Variants in SLC24A3 observed in about 807,000 individuals in gnomAD.
SLC24A3 encodes the protein solute carrier family 24 member 3.
In SLC24A3, 28 loss-of-function variants were observed where a neutral mutation model predicts 75.8. That is an observed-to-expected ratio of 0.37 (90% CI 0.27 to 0.51). The LOEUF is 0.51. Ranked by LOEUF, SLC24A3 falls within the 20% of genes least tolerant of loss-of-function variation. The pLI, the probability that SLC24A3 is intolerant of heterozygous loss-of-function variation, is 0.94. For missense variants in SLC24A3, 663 were observed against 847.8 expected (o/e 0.78, Z 2.71); for synonymous variants, 372 against 334.1 (o/e 1.11, Z -1.24).
At chr20:19,247,476 C>T (rs914366114) in intron 1 of SLC24A3, among the ~76,000 whole-genome samples, 1 of 152,052 alleles carries the variant, frequency 6.6e-6, no homozygotes, top group African/African-American at 2.4e-5. Context: ...AGGGTGTAAT[C>T]CTGAGGTAGT....
intron 2 of SLC24A3, among the ~76,000 whole-genome samples, chr20:19,514,984 G>A (rs901956987): frequency 1.3e-5 from 2 of 152,210 alleles, no homozygotes; most frequent in African/African-American, 4.8e-5. Flanking sequence ...AAATCTGTCT[G>A]AGCCACAGAC....
At chr20:19,445,085 A>G (rs1171277655) in intron 2 of SLC24A3, among the ~76,000 whole-genome samples, 1 of 152,214 alleles carries the variant, frequency 6.6e-6, no homozygotes, top group Non-Finnish European at 1.5e-5. Context: ...CACCAACCAG[A>G]ACTGACCTTT....
At chr20:19,503,266 A>G (rs1009787798) in intron 2 of SLC24A3, among the ~76,000 whole-genome samples, 4 of 152,194 alleles carry the variant, frequency 2.6e-5, no homozygotes, top group African/African-American at 9.7e-5. Context: ...ATTCAGAGCT[A>G]TAGTGTGCCA....
At chr20:19,232,139 T>C (rs528379354) in intron 1 of SLC24A3, among the ~76,000 whole-genome samples, 2 of 94,106 alleles carry the variant, frequency 2.1e-5, no homozygotes, top group South Asian at 6.5e-4. Flanking sequence ...ATAGAAGAAA[T>C]TGAGTTAAAA....
chr20:19,578,664 G>A (rs1263710014), intron 3 of SLC24A3, among the ~76,000 whole-genome samples: 3 of 152,000 alleles, frequency 2.0e-5, no homozygotes, highest in Non-Finnish European at 2.9e-5. Context: ...TTCTCAAAAG[G>A]AAAAGATACT....
intron 1 of SLC24A3, among the ~76,000 whole-genome samples, chr20:19,278,814 A>G (rs769939617): frequency 1.3e-5 from 2 of 152,234 alleles, no homozygotes; most frequent in Non-Finnish European, 2.9e-5. Context: ...TGATATGCAT[A>G]AACTGTAATT....
At chr20:19,278,489 A>G (rs1048291572) in intron 1 of SLC24A3, among the ~76,000 whole-genome samples, 3 of 152,204 alleles carry the variant, frequency 2.0e-5, no homozygotes, top group Admixed American at 2.0e-4. Context: ...ACACTTTCAG[A>G]TTATTTGTGA....
At chr20:19,385,648 T>G (rs570568074) in intron 2 of SLC24A3, among the ~76,000 whole-genome samples, 1 of 152,156 alleles carries the variant, frequency 6.6e-6, no homozygotes, top group East Asian at 1.9e-4. Context: ...ATTGGCTTTT[T>G]TTTTTTTTTC....
Position 19,212,748 on chromosome 20 carries a change from T to G in SLC24A3, c.-95T>G, listed in dbSNP as rs1865185945. On this transcript the variant is annotated 5_prime_UTR_variant, in exon 1 of 17. Transcript: ENST00000328041. ...GAGCGCAGCGAGGACGCGCGGCTGC[T>G]GCGCGCAGGGCTGCCTCCTGCCGCT... 9.6e-6 allele frequency: 9 copies of G among 939,642 alleles called. No homozygotes were observed. Among genetic ancestry groups the G allele is most frequent in the African/African-American group, 1.8e-5 (1 of 55,640 alleles). The allele number at this position is 939,642 out of a possible 1,614,324, so 58.2% of individuals were successfully genotyped here.
At chr20:19,594,778 G>T (rs141317800) in intron 6 of SLC24A3, among the ~76,000 whole-genome samples, 1 of 152,072 alleles carries the variant, frequency 6.6e-6, no homozygotes, top group African/African-American at 2.4e-5. Flanking sequence ...ATAGGGAGAA[G>T]ATATATGGAG....
intron 2 of SLC24A3, among the ~76,000 whole-genome samples, chr20:19,426,333 T>C (rs1422987481): frequency 1.3e-5 from 2 of 152,222 alleles, no homozygotes; most frequent in African/African-American, 4.8e-5. Flanking sequence ...CTTGGAGCTA[T>C]TTTCTTTCTT....
intron 2 of SLC24A3, among the ~76,000 whole-genome samples, chr20:19,406,495 C>A (rs1436797179): frequency 6.6e-6 from 1 of 152,082 alleles, no homozygotes; most frequent in East Asian, 1.9e-4. Flanking sequence ...CAATTCAATT[C>A]AAAAATGTTT....
intron 2 of SLC24A3, among the ~76,000 whole-genome samples, chr20:19,281,570 C>G (rs1983665409): frequency 6.6e-6 from 1 of 152,076 alleles, no homozygotes; most frequent in African/African-American, 2.4e-5. Context: ...GATTTGATAT[C>G]TATTATGCCA....
intron 6 of SLC24A3, among the ~76,000 whole-genome samples, chr20:19,635,651 T>C (rs541211946): frequency 7.9e-5 from 12 of 152,302 alleles, no homozygotes; most frequent in African/African-American, 2.9e-4. Flanking sequence ...GCTGGAATCA[T>C]CTGGAAGATT....
intron 3 of SLC24A3, among the ~76,000 whole-genome samples, chr20:19,574,694 T>G (rs1413091801): frequency 6.6e-6 from 1 of 152,224 alleles, no homozygotes; most frequent in Non-Finnish European, 1.5e-5. Context: ...GGCTGCGCTA[T>G]GTCTAAGCTC....
rs182545508 is a variant in SLC24A3, at chr20:19,473,987, G to T, written c.272-41501G>T. Among the ~76,000 whole-genome samples the T allele has an allele frequency of 1.8e-3, 270 of 152,298 alleles. 1 individual carries two copies. Among genetic ancestry groups the T allele is most frequent in the African/African-American group, 6.2e-3 (257 of 41,566 alleles). Reference sequence around the variant, plus strand: ...TTTTTGCTAATAGAGAAAATGGTTTGGTTTATTTTCCAGAACAGTGAAAGT... The same window carrying T: ...TTTTTGCTAATAGAGAAAATGGTTTTGTTTATTTTCCAGAACAGTGAAAGT... On this transcript the variant is annotated intron_variant, in intron 2 of 16. Coordinates refer to ENST00000328041, the MANE Select transcript of SLC24A3 (RefSeq NM_020689.4).
At chr20:19,720,573 G>A (rs541367486) in intron 16 of SLC24A3, among the ~76,000 whole-genome samples, 4 of 152,138 alleles carry the variant, frequency 2.6e-5, no homozygotes, top group East Asian at 1.9e-4. Context: ...AGACGCAGCC[G>A]TAGGAAGAGA....
At chr20:19,283,112 C>T (rs967993908) in intron 2 of SLC24A3, 2 of 152,590 alleles carry the variant, frequency 1.3e-5, no homozygotes, top group Admixed American at 1.3e-4. Flanking sequence ...AATATGGATC[C>T]AGGAGGGACA....
intron 2 of SLC24A3, among the ~76,000 whole-genome samples, chr20:19,370,073 G>A (rs1003856534): frequency 6.6e-6 from 1 of 151,968 alleles, no homozygotes; most frequent in Admixed American, 6.6e-5. Flanking sequence ...TGTATAAATT[G>A]TGCCTCAATG....
Sources: allele counts gnomAD v4.1 joint callset (sites outside exome capture counted in the v4.1 genomes callset), GRCh38; gene constraint gnomAD v4.1.1; transcripts MANE v1.5; gene names NCBI Gene and HGNC (gene_info 2026-07-23, HGNC 2026-07-21).